CEP112: variants seen among roughly 807,000 people sequenced by gnomAD.
CEP112 encodes centrosomal protein 112.
Under a neutral mutation model 153.0 loss-of-function variants are expected in CEP112, and 127 were observed. The observed-to-expected ratio is 0.83, with a 90% CI of 0.72 to 0.96. The LOEUF is 0.96. Among genes scored for constraint, CEP112 ranks in the 40% least tolerant of loss-of-function variants. CEP112 has a pLI of 0.00. For missense variants in CEP112, 1,089 were observed against 1,101.2 expected, an observed-to-expected ratio of 0.99 and a Z score of 0.16; for synonymous variants, 358 against 374.4, an observed-to-expected ratio of 0.96 and a Z score of 0.51.
chr17:65,777,154 C>T (rs10083870), intron 21 of CEP112, among the ~76,000 whole-genome samples: 80,429 of 152,008 alleles, frequency 0.53, 23,162 homozygotes, highest in Non-Finnish European at 0.66. Flanking sequence ...CCTTTTGAGG[C>T]GCCATGTAGG....
intron 12 of CEP112, among the ~76,000 whole-genome samples, chr17:66,039,405 G>A (rs1270357451): frequency 6.6e-6 from 1 of 151,984 alleles, no homozygotes; most frequent in African/African-American, 2.4e-5. Context: ...GGCAAAAAGA[G>A]CAACTAATTT....
Position 65,864,320 on chromosome 17 carries a change from C to T in CEP112, c.2164-12286G>A, listed in dbSNP as rs528062588. 4.6e-5 allele frequency among the ~76,000 whole-genome samples: 7 copies of T among 152,200 alleles called. No homozygotes were observed. The South Asian group carries it at 1.5e-3, about 32-fold the overall frequency. On this transcript the variant is annotated intron_variant, in intron 20 of 26. Transcript: ENST00000535342. ...TGTTAATGTGCCTAAGTGTCCCTTT[C>T]AGAAGAGCTGTAGCCTTGTTTATAC...
intron 20 of CEP112, among the ~76,000 whole-genome samples, chr17:65,886,568 A>T (rs887506079): frequency 6.6e-6 from 1 of 152,230 alleles, no homozygotes; most frequent in Non-Finnish European, 1.5e-5. Context: ...TGATTGATTG[A>T]CATATTTATG....
rs75441595 is a variant in CEP112, at chr17:65,800,044, T to A, written c.2395-49320A>T. On this transcript the variant is annotated intron_variant, in intron 21 of 26. Coordinates refer to ENST00000535342, the MANE Select transcript of CEP112 (RefSeq NM_001199165.4). The stretch of plus-strand genomic sequence containing the variant: ...CTGAACATGAAATCAGTTTCTCACA[T>A]GTTCTTCTGCTTCTTGATAGACTCT... Among the ~76,000 whole-genome samples, 23 of 152,312 alleles carry A rather than the reference T, an allele frequency of 1.5e-4. No individual in the cohort carries two copies. In the South Asian group the frequency reaches 4.8e-3, roughly 32 times the overall value.
At chr17:65,738,704 AT>A (rs1355930602) in intron 23 of CEP112, among the ~76,000 whole-genome samples, 1 of 152,174 alleles carries the variant, frequency 6.6e-6, no homozygotes. Flanking sequence ...AAGAGAATAG[AT>A]TTTCTTTATA....
intron 19 of CEP112, among the ~76,000 whole-genome samples, chr17:65,906,269 G>T (rs1037256538): frequency 6.6e-6 from 1 of 151,854 alleles, no homozygotes; most frequent in Admixed American, 6.6e-5. Flanking sequence ...GCCTGTCGGG[G>T]GGGTAGGGGA....
chr17:65,811,606 C>T (rs915816933), intron 21 of CEP112, among the ~76,000 whole-genome samples: 3 of 152,148 alleles, frequency 2.0e-5, no homozygotes, highest in African/African-American at 4.8e-5. Context: ...ATCCATCCAA[C>T]ATCATATTGG....
chr17:65,700,657 G>A (rs759086015), intron 23 of CEP112, among the ~76,000 whole-genome samples: 9 of 152,156 alleles, frequency 5.9e-5, no homozygotes, highest in Non-Finnish European at 1.3e-4. Context: ...AGGGTCTTGT[G>A]TGCCAGGAGG....
intron 6 of CEP112, among the ~76,000 whole-genome samples, chr17:66,120,174 C>T (rs887424517): frequency 2.0e-5 from 3 of 152,050 alleles, no homozygotes; most frequent in Admixed American, 2.0e-4. Context: ...TGAAACCATG[C>T]AGGCCTGAAA....
At chr17:66,120,858 A>G (rs536954336) in intron 6 of CEP112, among the ~76,000 whole-genome samples, 1 of 15,504 alleles carries the variant, frequency 6.4e-5, no homozygotes, top group South Asian at 1.7e-3. Flanking sequence ...ATTGATTTCT[A>G]CTTTAATCTT....
At chr17:66,004,325 A>G (rs1454676136) in intron 17 of CEP112, among the ~76,000 whole-genome samples, 2 of 152,034 alleles carry the variant, frequency 1.3e-5, no homozygotes, top group Non-Finnish European at 2.9e-5. Context: ...ACTAAAAAAA[A>G]TAAATAAATC....
intron 18 of CEP112, among the ~76,000 whole-genome samples, chr17:65,953,701 G>C (rs561583620): frequency 3.2e-4 from 49 of 152,124 alleles, no homozygotes; most frequent in Non-Finnish European, 6.3e-4. Context: ...CTACTTCCCT[G>C]GTGACCTGTA....
intron 24 of CEP112, among the ~76,000 whole-genome samples, chr17:65,657,426 A>G (rs1405024332): frequency 1.3e-5 from 2 of 152,222 alleles, no homozygotes; most frequent in African/African-American, 4.8e-5. Context: ...AGAAAGGCTG[A>G]ATGTGGAAAG....
intron 18 of CEP112, 66 bp from the exon 19 acceptor site, chr17:65,927,755 T>C (rs1243569946): frequency 1.0e-6 from 1 of 983,470 alleles, no homozygotes; most frequent in African/African-American, 1.7e-5. Flanking sequence ...TTTTTGTAAT[T>C]TGTCCATTTG....
Position 66,074,873 on chromosome 17 carries a change from G to GA in CEP112, c.769-4873dup, listed in dbSNP as rs1242846957. On this transcript the variant is annotated intron_variant, in intron 8 of 26. Coordinates refer to ENST00000535342, the MANE Select transcript of CEP112 (RefSeq NM_001199165.4). The stretch of plus-strand genomic sequence containing the variant: ...TGAGGCTCTGTCTAAAAAAAAAAAA[G>GA]AAAAAAAAAAAAAAAGAAAAATCTT... Among the ~76,000 whole-genome samples the GA allele has an allele frequency of 5.3e-3, 483 of 91,162 alleles. 2 individuals are homozygous for GA. The highest frequency in any genetic ancestry group is 0.012 in the Admixed American group (102 of 8,758). 59.8% of individuals were successfully genotyped at this position (91,162 alleles called of 152,430 possible). A position where few individuals can be genotyped will look rare whatever the true frequency, so the allele number is the denominator to read the frequency against.
intron 8 of CEP112, among the ~76,000 whole-genome samples, chr17:66,085,276 C>A (rs1172630349): frequency 6.6e-6 from 1 of 152,096 alleles, no homozygotes; most frequent in Non-Finnish European, 1.5e-5. Context: ...ACCGTTAGCA[C>A]AATCTAATTT....
chr17:65,717,349 C>T (rs1001954465), intron 23 of CEP112, among the ~76,000 whole-genome samples: 1 of 152,168 alleles, frequency 6.6e-6, no homozygotes, highest in Non-Finnish European at 1.5e-5. Flanking sequence ...ATCTCACAAA[C>T]ACAAAAACAA....
chr17:65,971,322 TAAA>T (rs1259858780), intron 17 of CEP112, among the ~76,000 whole-genome samples: 10 of 149,392 alleles, frequency 6.7e-5, no homozygotes, highest in Non-Finnish European at 1.3e-4. Context: ...TTACAAGTCT[TAAA>T]AATATATTAC....
chr17:65,920,362 A>ACAAACAAAAAAAAAATATAT (rs1230889770), intron 19 of CEP112, among the ~76,000 whole-genome samples: 1 of 42,778 alleles, frequency 2.3e-5, no homozygotes, highest in African/African-American at 8.6e-5. Context: ...AAACAAACAA[A>ACAAACAAAAAAAAAATATAT]ATATATATAT....
Sources: allele counts gnomAD v4.1 joint callset (sites outside exome capture counted in the v4.1 genomes callset), GRCh38; gene constraint gnomAD v4.1.1; transcripts MANE v1.5; gene names NCBI Gene and HGNC (gene_info 2026-07-23, HGNC 2026-07-21).